Variants in ATXN7L1 observed in about 807,000 individuals in gnomAD.
ATXN7L1 encodes ataxin-7-like protein 1.
Under a neutral mutation model 70.8 loss-of-function variants are expected in ATXN7L1, and 15 were observed. The observed-to-expected ratio is 0.21, with a 90% CI of 0.14 to 0.33. ATXN7L1 has a LOEUF of 0.33. ATXN7L1 is among the 10% of genes least tolerant of loss of function. ATXN7L1 has a pLI of 1.00. For missense variants in ATXN7L1, 975 were observed against 1,097.1 expected (o/e 0.89, Z 1.57); for synonymous variants, 440 against 445.1 (o/e 0.99, Z 0.14).
In ATXN7L1 at chr7:105,865,253, A is replaced by T. The variant is rs535686535; in HGVS notation, c.250+10559T>A. ...ATAGGTACTATTATTCCTACTCTGGAAAAGAAAAGTAGAAATTGAGGCTTA... is the reference window on the plus strand; with the variant it reads ...ATAGGTACTATTATTCCTACTCTGGTAAAGAAAAGTAGAAATTGAGGCTTA... On this transcript the variant is annotated intron_variant, in intron 2 of 11. Coordinates refer to ENST00000419735, the MANE Select transcript of ATXN7L1 (RefSeq NM_020725.2). Among the ~76,000 whole-genome samples, 33 of 152,344 alleles carry T rather than the reference A, an allele frequency of 2.2e-4. No individual in the cohort carries two copies. In the Middle Eastern group the frequency reaches 0.01, roughly 47 times the overall value.
chr7:105,737,019 T>C (rs1285297237), intron 3 of ATXN7L1, among the ~76,000 whole-genome samples: 1 of 152,238 alleles, frequency 6.6e-6, no homozygotes, highest in Non-Finnish European at 1.5e-5. Flanking sequence ...AGGATCTATC[T>C]GGTTTTTGAA....
At chr7:105,706,881 C>T (rs1030614701) in intron 3 of ATXN7L1, among the ~76,000 whole-genome samples, 1 of 152,354 alleles carries the variant, frequency 6.6e-6, no homozygotes, top group African/African-American at 2.4e-5. Context: ...AACTCTTGGG[C>T]ATCAACCAAG....
At chr7:105,697,912 C>T (rs1255037901) in intron 3 of ATXN7L1, among the ~76,000 whole-genome samples, 5 of 152,306 alleles carry the variant, frequency 3.3e-5, no homozygotes, top group South Asian at 2.1e-4. Flanking sequence ...TATACTCCTC[C>T]GAGCGAAGGC....
chr7:105,875,220 T>G (rs1019199660), intron 2 of ATXN7L1: 1 of 153,432 alleles, frequency 6.5e-6, no homozygotes, highest in Admixed American at 6.5e-5. Context: ...CCATTTCAGG[T>G]ACCGTATTTC....
intron 7 of ATXN7L1, among the ~76,000 whole-genome samples, chr7:105,634,455 A>AT (rs59290785): frequency 0.98 from 149,042 of 152,268 alleles, 73,021 homozygotes; most frequent in East Asian, 1. Flanking sequence ...CAGGCATGAA[A>AT]GTACATTTCT....
chr7:105,654,670 T>C (rs2115999090), intron 4 of ATXN7L1, among the ~76,000 whole-genome samples: 1 of 152,280 alleles, frequency 6.6e-6, no homozygotes, highest in Middle Eastern at 3.4e-3. Context: ...CATCTAAAAA[T>C]CATAATGAGC....
At chr7:105,777,179 G>A (rs1445914167) in intron 3 of ATXN7L1, among the ~76,000 whole-genome samples, 1 of 152,206 alleles carries the variant, frequency 6.6e-6, no homozygotes, top group African/African-American at 2.4e-5. Context: ...ATAGGTCACA[G>A]AGATGCAGAG....
intron 3 of ATXN7L1, among the ~76,000 whole-genome samples, chr7:105,734,379 G>T (rs1365977022): frequency 6.6e-6 from 1 of 152,180 alleles, no homozygotes; most frequent in Non-Finnish European, 1.5e-5. Context: ...CTCTCAGTGG[G>T]CCTCAGAGCC....
At chr7:105,745,271 C>A (rs1798452216) in intron 3 of ATXN7L1, among the ~76,000 whole-genome samples, 1 of 151,924 alleles carries the variant, frequency 6.6e-6, no homozygotes, top group Admixed American at 6.6e-5. Flanking sequence ...TGTATAGATA[C>A]ACATATATAT....
At chr7:105,633,722 AAAC>A (rs1050140195) in intron 7 of ATXN7L1, among the ~76,000 whole-genome samples, 8 of 152,188 alleles carry the variant, frequency 5.3e-5, no homozygotes, top group African/African-American at 1.7e-4. Flanking sequence ...CTCTGTCTCA[AAAC>A]AACAATAACA....
intron 7 of ATXN7L1, among the ~76,000 whole-genome samples, chr7:105,632,748 T>C (rs1397988457): frequency 6.6e-6 from 1 of 151,800 alleles, no homozygotes; most frequent in Non-Finnish European, 1.5e-5. Flanking sequence ...AGCAAGACCC[T>C]GCCTCTGTAA....
At chr7:105,727,728 G>T (rs1022366080) in intron 3 of ATXN7L1, among the ~76,000 whole-genome samples, 1 of 92,474 alleles carries the variant, frequency 1.1e-5, no homozygotes, top group Non-Finnish European at 2.0e-5. Context: ...TTCCATAGGG[G>T]TGTGTGTGTG....
At chr7:105,833,691 A>G (rs1263388328) in intron 2 of ATXN7L1, among the ~76,000 whole-genome samples, 1 of 152,262 alleles carries the variant, frequency 6.6e-6, no homozygotes. Context: ...CCTCAAAACA[A>G]AAAACCAAAT....
At chr7:105,669,136 C>T (rs1293421708) in intron 3 of ATXN7L1, among the ~76,000 whole-genome samples, 1 of 152,072 alleles carries the variant, frequency 6.6e-6, no homozygotes, top group Non-Finnish European at 1.5e-5. Context: ...AGGCTAGAGT[C>T]CAGCGGCGTG....
At chr7:105,864,521 C>T (rs897041673) in intron 2 of ATXN7L1, among the ~76,000 whole-genome samples, 1 of 144,030 alleles carries the variant, frequency 6.9e-6, no homozygotes. Context: ...CCGGTTGTTT[C>T]GTTTTAGTAT....
rs755888903 is a variant in ATXN7L1, at chr7:105,614,250, T to C, written c.2084A>G (p.Tyr695Cys). ...TGAGTTGTGCACAGACAGGCTGTTA[T>C]AGGGAGGGGCCGCCTGATAGGAGTT... is the stretch of plus-strand genomic sequence containing the variant. ...ALNSYQAAPP[Y>C]NSLSVHNSNN... Residue 695 changes from tyrosine (Y) to cysteine (C), a missense_variant, in exon 10 of 12, where the codon TAT becomes TGT. Physicochemically the swap from Tyr to Cys is radical, Grantham distance 194 (BLOSUM62 -2). Transcript: ENST00000419735. The surrounding 1 kb of genome is among the most constrained non-coding windows in gnomAD (Gnocchi z 4.3). 4.3e-5 allele frequency: 66 copies of C among 1,551,590 alleles called. No homozygotes were observed. The highest frequency in any genetic ancestry group is 3.1e-5 in the Non-Finnish European group (35 of 1,146,996).
intron 3 of ATXN7L1, among the ~76,000 whole-genome samples, chr7:105,675,451 C>T (rs1328822502): frequency 2.0e-5 from 3 of 151,898 alleles, no homozygotes; most frequent in Admixed American, 6.6e-5. Flanking sequence ...GGTGAAAGCC[C>T]GTCTCTACTA....
chr7:105,808,943 T>C (rs1808013835), intron 2 of ATXN7L1, among the ~76,000 whole-genome samples: 1 of 152,264 alleles, frequency 6.6e-6, no homozygotes, highest in African/African-American at 2.4e-5. Flanking sequence ...TATTTCTCAT[T>C]GTCCAACCTA....
chr7:105,607,478 G>C lies in ATXN7L1; in HGVS notation c.*374C>G, dbSNP rs1161399460. The C allele has an allele frequency of 4.0e-6, 1 of 248,270 alleles. No individual in the cohort carries two copies. The highest frequency in any genetic ancestry group is 7.8e-6 in the Non-Finnish European group (1 of 127,678). The allele number at this position is 248,270 out of a possible 1,614,324, so 15.4% of individuals were successfully genotyped here. A position where few individuals can be genotyped will look rare whatever the true frequency, so the allele number is the denominator to read the frequency against. On this transcript the variant is annotated 3_prime_UTR_variant, in exon 12 of 12. Transcript: ENST00000419735. ...CCTGTGCTACAGTTCAAGAGCTTCA[G>C]AGCATGCCAACCTGGAACCAACATT...
Sources: gnomAD v4.1 joint callset for allele counts (sites outside exome capture counted in the v4.1 genomes callset) on GRCh38, gnomAD v4.1.1 for gene constraint, Gnocchi (gnomAD v3.1) non-coding constraint, MANE v1.5 for transcripts, NCBI Gene and HGNC (gene_info 2026-07-23, HGNC 2026-07-21) for gene names.